The following KCNQ5 variants were observed in gnomAD, a reference collection of about 807,000 sequenced individuals.
The protein encoded by KCNQ5 is potassium voltage-gated channel subfamily KQT member 5.
KCNQ5 carries 30 observed loss-of-function variants against 98.2 expected under a neutral mutation model. The ratio of observed to expected loss-of-function variants is 0.31; its 90% confidence interval spans 0.23 to 0.41. The LOEUF (loss-of-function observed/expected upper bound fraction) is 0.41, where lower values mean the gene tolerates loss of function less well. Among genes scored for constraint, KCNQ5 ranks in the 10% least tolerant of loss-of-function variants. The pLI is 1.00. For missense variants in KCNQ5, 835 were observed against 1,182.5 expected, an observed-to-expected ratio of 0.71 and a Z score of 4.31; for synonymous variants, 458 against 449.4, an observed-to-expected ratio of 1.02 and a Z score of -0.24.
Position 73,025,623 on chromosome 6 carries a change from C to CAAAAAAAAAAAAAAAAAAAAAAAAA in KCNQ5, c.490-16301_490-16277dup, listed in dbSNP as rs58607159. 2.3e-4 allele frequency among the ~76,000 whole-genome samples: 12 copies of CAAAAAAAAAAAAAAAAAAAAAAAAA among 53,002 alleles called. 1 individual carries two copies. Among genetic ancestry groups the CAAAAAAAAAAAAAAAAAAAAAAAAA allele is most frequent in the Non-Finnish European group, 6.1e-4 (11 of 18,170 alleles). 34.8% of individuals were successfully genotyped at this position (53,002 alleles called of 152,430 possible). A position where few individuals can be genotyped will look rare whatever the true frequency, so the allele number is the denominator to read the frequency against. Reference sequence around the variant, plus strand: ...GGGCGACAAGAGCAAAACTCCATCTCAAAAAAAAAAAAAAAAAAAAAAAAA... The same window carrying CAAAAAAAAAAAAAAAAAAAAAAAAA: ...GGGCGACAAGAGCAAAACTCCATCTCAAAAAAAAAAAAAAAAAAAAAAAAAAAAAAAAAAAAAAAAAAAAAAAAAA... On this transcript the variant is annotated intron_variant, in intron 2 of 13. Transcript: ENST00000370398.
intron 1 of KCNQ5, among the ~76,000 whole-genome samples, chr6:72,945,427 C>T (rs1352074084): frequency 2.2e-5 from 3 of 134,242 alleles, no homozygotes; most frequent in African/African-American, 8.5e-5. Flanking sequence ...CGACAGGCCC[C>T]GGTGTGTGAT....
intron 1 of KCNQ5, among the ~76,000 whole-genome samples, chr6:72,887,720 G>C (rs899024911): frequency 1.5e-4 from 23 of 152,064 alleles, no homozygotes; most frequent in Non-Finnish European, 2.4e-4. Flanking sequence ...ATTGAGTTAT[G>C]TATGCATATT....
At chr6:72,913,317 A>G (rs554855239) in intron 1 of KCNQ5, among the ~76,000 whole-genome samples, 56 of 152,222 alleles carry the variant, frequency 3.7e-4, no homozygotes, top group Non-Finnish European at 7.1e-4. Context: ...CAGACCTAAA[A>G]TACATCTTCA....
chr6:72,939,050 G>T (rs1766099962), intron 1 of KCNQ5, among the ~76,000 whole-genome samples: 1 of 152,234 alleles, frequency 6.6e-6, no homozygotes, highest in African/African-American at 2.4e-5. Flanking sequence ...ATATGAGACT[G>T]TATTTTAAGA....
At chr6:72,999,206 A>G (rs1769449322) in intron 1 of KCNQ5, among the ~76,000 whole-genome samples, 1 of 152,222 alleles carries the variant, frequency 6.6e-6, no homozygotes, top group Non-Finnish European at 1.5e-5. Flanking sequence ...GCTTTTTGTC[A>G]AATTAAATCT....
chr6:72,627,203 C>T (rs2098918396), intron 1 of KCNQ5, among the ~76,000 whole-genome samples: 2 of 151,962 alleles, frequency 1.3e-5, no homozygotes, highest in South Asian at 4.1e-4. Context: ...AATATGTAAC[C>T]AGATATTTAG....
chr6:72,741,782 A>C (rs1771142061), intron 1 of KCNQ5, among the ~76,000 whole-genome samples: 1 of 152,196 alleles, frequency 6.6e-6, no homozygotes, highest in African/African-American at 2.4e-5. Context: ...TATGAGAAAA[A>C]AACAAAACCC....
rs555717157 is a variant in KCNQ5 at position 72,792,448 on chromosome 6, C to T, written c.398+169861C>T. Among the ~76,000 whole-genome samples the T allele has an allele frequency of 1.9e-4, 29 of 152,316 alleles. No individual in the cohort carries two copies. The East Asian group carries it at 5.0e-3, about 26-fold the overall frequency. ...TTTCATAGGTCTTTTACAGTTAAATCAGCTCTTGGATAAAGTGGAACTTTA... is the reference window on the plus strand; with the variant it reads ...TTTCATAGGTCTTTTACAGTTAAATTAGCTCTTGGATAAAGTGGAACTTTA... On this transcript the variant is annotated intron_variant, in intron 1 of 13. Coordinates refer to ENST00000370398, the MANE Select transcript of KCNQ5 (RefSeq NM_019842.4).
chr6:73,187,102 C>G lies in KCNQ5; in HGVS notation c.1578-3471C>G, dbSNP rs1057033099. On this transcript the variant is annotated intron_variant, in intron 11 of 13. Coordinates refer to ENST00000370398, the MANE Select transcript of KCNQ5 (RefSeq NM_019842.4). The stretch of plus-strand genomic sequence containing the variant: ...TGAGACGGAGTCTTGCTCTGTCGCC[C>G]AGGCTGGAGTGCAGTGGCGTGACCT... Among the ~76,000 whole-genome samples, 4 of 151,420 alleles carry G rather than the reference C, an allele frequency of 2.6e-5. No individual in the cohort carries two copies. In the East Asian group the frequency reaches 5.8e-4, roughly 22 times the overall value.
intron 1 of KCNQ5, among the ~76,000 whole-genome samples, chr6:72,952,406 C>T (rs1766848049): frequency 6.6e-6 from 1 of 152,078 alleles, no homozygotes; most frequent in South Asian, 2.1e-4. Flanking sequence ...ATGCTAGGTT[C>T]ACTTTAGACC....
intron 3 of KCNQ5, among the ~76,000 whole-genome samples, chr6:73,076,124 G>C (rs1448876504): frequency 6.6e-6 from 1 of 152,106 alleles, no homozygotes; most frequent in African/African-American, 2.4e-5. Flanking sequence ...TCAAAGCACT[G>C]ACCCAAAAAG....
At chr6:72,702,419 T>G (rs947819867) in intron 1 of KCNQ5, among the ~76,000 whole-genome samples, 4 of 151,170 alleles carry the variant, frequency 2.6e-5, no homozygotes, top group African/African-American at 9.7e-5. Flanking sequence ...AAATACAAGG[T>G]TTTTTTTTCT....
At chr6:73,126,282 C>T (rs534462274) in intron 9 of KCNQ5, among the ~76,000 whole-genome samples, 3 of 152,258 alleles carry the variant, frequency 2.0e-5, no homozygotes, top group South Asian at 2.1e-4. Flanking sequence ...TCCTCCAAAA[C>T]GGAGCTGTTA....
chr6:72,705,802 G>T (rs1305183876), intron 1 of KCNQ5, among the ~76,000 whole-genome samples: 1 of 151,924 alleles, frequency 6.6e-6, no homozygotes, highest in Non-Finnish European at 1.5e-5. Flanking sequence ...GAGGTAATTT[G>T]TTGTATTGTT....
chr6:73,076,504 T>G (rs1773548485), intron 3 of KCNQ5, among the ~76,000 whole-genome samples: 6 of 152,228 alleles, frequency 3.9e-5, no homozygotes, highest in African/African-American at 1.4e-4. Flanking sequence ...CTTTTATCTT[T>G]TCTATGCTTT....
intron 11 of KCNQ5, among the ~76,000 whole-genome samples, chr6:73,173,179 T>C (rs1015497619): frequency 6.6e-6 from 1 of 152,248 alleles, no homozygotes; most frequent in East Asian, 1.9e-4. Flanking sequence ...AGAATTATCA[T>C]AGATTTTTCT....
At chr6:73,134,451 C>T (rs9442891) in intron 10 of KCNQ5, 19,919 of 152,532 alleles carry the variant, frequency 0.13, 2,332 homozygotes, top group African/African-American at 0.3. Context: ...CCTTCTGTTC[C>T]CTTTTCCTAA....
At chr6:73,092,097 TG>T (rs200204119) in intron 5 of KCNQ5, among the ~76,000 whole-genome samples, 177 of 142,442 alleles carry the variant, frequency 1.2e-3, no homozygotes, top group African/African-American at 4.1e-3. Flanking sequence ...TTTGTTTGTT[TG>T]TTTTTTGTTT....
intron 2 of KCNQ5, among the ~76,000 whole-genome samples, chr6:73,038,040 T>C (rs937910786): frequency 7.9e-5 from 12 of 152,118 alleles, no homozygotes; most frequent in Non-Finnish European, 2.9e-5. Context: ...TTAGGTCTTT[T>C]CTGATTTCTT....
Sources: gnomAD v4.1 joint callset for allele counts (sites outside exome capture counted in the v4.1 genomes callset) on GRCh38, gnomAD v4.1.1 for gene constraint, MANE v1.5 for transcripts, NCBI Gene and HGNC (gene_info 2026-07-23, HGNC 2026-07-21) for gene names.